The following AP1B1 variants were observed in gnomAD, a reference collection of about 807,000 sequenced individuals.
AP1B1 encodes the protein AP-1 complex subunit beta-1.
A neutral mutation model predicts 104.3 loss-of-function variants in AP1B1; 36 were observed. The observed-to-expected ratio is 0.35, with a 90% CI of 0.26 to 0.46. AP1B1 has a LOEUF of 0.46. Among genes scored for constraint, AP1B1 ranks in the 20% least tolerant of loss-of-function variants. The pLI, the probability that AP1B1 is intolerant of heterozygous loss-of-function variation, is 1.00. For missense variants in AP1B1, 901 were observed against 1,247.9 expected (o/e 0.72, Z 4.19); for synonymous variants, 504 against 517.5 (o/e 0.97, Z 0.35).
At chr22:29,329,763 A>G in intron 21 of AP1B1, 43 bp from the exon 22 acceptor site, 1 of 1,612,702 alleles carries the variant, frequency 6.2e-7, no homozygotes, top group Non-Finnish European at 8.5e-7. Flanking sequence ...TGCAGCAACC[A>G]AACACAGGGA....
At chr22:29,336,075 G>A (rs1013800999) in intron 16 of AP1B1, among the ~76,000 whole-genome samples, 1 of 152,194 alleles carries the variant, frequency 6.6e-6, no homozygotes, top group African/African-American at 2.4e-5. Context: ...GGTCCCAACA[G>A]AACCATCTTC....
chr22:29,351,115 C>T, intron 9 of AP1B1, 56 bp downstream of exon 9: 2 of 1,522,732 alleles, frequency 1.3e-6, no homozygotes, highest in Non-Finnish European at 1.8e-6. Context: ...AGACTGGTTT[C>T]CCGGTTTCAG....
chr22:29,345,067 CT>C (rs546985595), intron 11 of AP1B1, among the ~76,000 whole-genome samples: 1 of 151,264 alleles, frequency 6.6e-6, no homozygotes, highest in Non-Finnish European at 1.5e-5. Flanking sequence ...AACAAGTATT[CT>C]TTTTTTTTGA....
chr22:29,349,208 G>A lies in AP1B1; in HGVS notation c.1437+10C>T, dbSNP rs770637790. On this transcript the variant is annotated intron_variant, in intron 11 of 22. Transcript: ENST00000357586. ...TCATGACTCACACCCTGGCCAGCTCGCTGGCTCACCTGTGTGCTCTCGTCA... is the reference window on the plus strand; with the variant it reads ...TCATGACTCACACCCTGGCCAGCTCACTGGCTCACCTGTGTGCTCTCGTCA... 14 of 1,611,258 alleles carry A rather than the reference G, an allele frequency of 8.7e-6. No individual in the cohort carries two copies. The South Asian group carries it at 1.1e-4, about 13-fold the overall frequency.
chr22:29,369,054 C>A (rs2062189162), intron 1 of AP1B1, among the ~76,000 whole-genome samples: 1 of 152,042 alleles, frequency 6.6e-6, no homozygotes, highest in East Asian at 1.9e-4. Context: ...TGGAGAAAAC[C>A]CACTTCACTT....
chr22:29,334,360 G>A lies in AP1B1; in HGVS notation c.2214C>T (p.Phe738=). The change falls in exon 17 of 23, where the codon TTC becomes TTT. Residue 738 remains phenylalanine (F), a synonymous_variant. Coordinates refer to ENST00000357586, the MANE Select transcript of AP1B1 (RefSeq NM_001127.4). Reference sequence around the variant, plus strand: ...TGGAGATGGAGCCCACCTGGCGGGTGAAGGTGCCTGAGATCTCCAGCCCCT... The same window carrying A: ...TGGAGATGGAGCCCACCTGGCGGGTAAAGGTGCCTGAGATCTCCAGCCCCT... The part of the protein sequence containing the change: ...KAKGLEISGT[F]TRQVGSISMD... The A allele has an allele frequency of 6.2e-7, 1 of 1,611,550 alleles. No individual in the cohort carries two copies. Among genetic ancestry groups the A allele is most frequent in the South Asian group, 1.1e-5 (1 of 90,802 alleles).
At chr22:29,349,934 C>G (rs911888446) in intron 10 of AP1B1, 101 bp downstream of exon 10, 1 of 940,860 alleles carries the variant, frequency 1.1e-6, no homozygotes, top group Admixed American at 2.0e-5. Context: ...CGCTTGTGGC[C>G]AAGAAGTAAG....
chr22:29,354,612 A>T, intron 7 of AP1B1, 38 bp downstream of exon 7: 1 of 1,587,576 alleles, frequency 6.3e-7, no homozygotes, highest in Non-Finnish European at 8.6e-7. Flanking sequence ...AGGCTCCCCG[A>T]GGGGTACGCA....
intron 1 of AP1B1, among the ~76,000 whole-genome samples, chr22:29,368,158 C>T (rs1486992322): frequency 6.6e-6 from 1 of 152,072 alleles, no homozygotes; most frequent in Non-Finnish European, 1.5e-5. Context: ...ATTAGCCAGG[C>T]GTGGTAGTGT....
At chr22:29,353,639 A>C (rs988456747) in intron 7 of AP1B1, among the ~76,000 whole-genome samples, 2 of 152,042 alleles carry the variant, frequency 1.3e-5, no homozygotes, top group African/African-American at 4.8e-5. Context: ...AATTCGACCA[A>C]TATCTCTGGG....
At position 29,359,944 on chromosome 22, in the gene AP1B1, A is replaced by G; in HGVS notation, c.159T>C (p.Asp53=). The G allele has an allele frequency of 5.0e-6, 8 of 1,613,234 alleles. No individual in the cohort carries two copies. The highest frequency in any genetic ancestry group is 6.8e-6 in the Non-Finnish European group (8 of 1,179,622). The change falls in exon 4 of 23, where the codon GAT becomes GAC. Residue 53 remains aspartate (D), a synonymous_variant. Transcript: ENST00000357586. The part of the protein sequence containing the change: ...VGKDVSALFP[D]VVNCMQTDNL... ...TGTCCGTCTGCATGCAGTTGACCACATCGGGGAAGAGGGCACTGGAAGGTC... is the reference window on the plus strand; with the variant it reads ...TGTCCGTCTGCATGCAGTTGACCACGTCGGGGAAGAGGGCACTGGAAGGTC...
intron 2 of AP1B1, among the ~76,000 whole-genome samples, chr22:29,365,550 C>G (rs1223596907): frequency 6.6e-6 from 1 of 152,228 alleles, no homozygotes; most frequent in Non-Finnish European, 1.5e-5. Flanking sequence ...GCACTACGTT[C>G]ACCCTGTGGC....
intron 22 of AP1B1, chr22:29,329,113 C>T (rs2061518937): frequency 1.5e-6 from 2 of 1,365,076 alleles, no homozygotes; most frequent in Non-Finnish European, 1.9e-6. Flanking sequence ...CACACACCTG[C>T]TGTCAGCCCA....
At chr22:29,342,859 G>T (rs1319869850) in intron 11 of AP1B1, among the ~76,000 whole-genome samples, 1 of 152,176 alleles carries the variant, frequency 6.6e-6, no homozygotes, top group Non-Finnish European at 1.5e-5. Flanking sequence ...ATTCCTGGTG[G>T]CCCTCCACCG....
At chr22:29,350,202 A>G (rs777384029) in intron 9 of AP1B1, 52 bp from the exon 10 acceptor site, 1 of 1,455,782 alleles carries the variant, frequency 6.9e-7, no homozygotes, top group Non-Finnish European at 9.6e-7. Context: ...CATTTCCAGT[A>G]GAGCCTCTGA....
At chr22:29,342,991 C>T (rs1328094126) in intron 11 of AP1B1, among the ~76,000 whole-genome samples, 1 of 152,184 alleles carries the variant, frequency 6.6e-6, no homozygotes, top group East Asian at 1.9e-4. Flanking sequence ...CCTCTTCCAC[C>T]CCGTCACAGC....
intron 21 of AP1B1, 126 bp from the exon 22 acceptor site, chr22:29,329,846 GGCAGT>G (rs1313119796): frequency 5.2e-5 from 80 of 1,526,282 alleles, no homozygotes; most frequent in Non-Finnish European, 6.8e-5. Context: ...ACCCAGGAGG[GGCAGT>G]GTCTGGAGGG....
intron 7 of AP1B1, among the ~76,000 whole-genome samples, chr22:29,352,681 C>T (rs2061895058): frequency 6.6e-6 from 1 of 152,196 alleles, no homozygotes; most frequent in African/African-American, 2.4e-5. Context: ...GTCATCCCAA[C>T]ACTTTGGGAG....
At chr22:29,386,727 A>C (rs2062528709) in intron 1 of AP1B1, among the ~76,000 whole-genome samples, 1 of 152,248 alleles carries the variant, frequency 6.6e-6, no homozygotes, top group Non-Finnish European at 1.5e-5. Flanking sequence ...TCACGGGTTC[A>C]TTCACAGGTT....
Sources: allele counts gnomAD v4.1 joint callset (sites outside exome capture counted in the v4.1 genomes callset), GRCh38; gene constraint gnomAD v4.1.1; transcripts MANE v1.5; gene names NCBI Gene and HGNC (gene_info 2026-07-23, HGNC 2026-07-21).